The following PREPL variants were observed in gnomAD, a reference collection of about 807,000 sequenced individuals.
The protein encoded by PREPL is prolyl endopeptidase-like.
Under a neutral mutation model 70.6 loss-of-function variants are expected in PREPL, and 77 were observed. The observed-to-expected ratio is 1.09, with a 90% CI of 0.91 to 1.32. The LOEUF (loss-of-function observed/expected upper bound fraction) is 1.32. Among genes scored for constraint, PREPL ranks in the 40% most tolerant of loss-of-function variants. The pLI is 0.00. For synonymous variants in PREPL, 315 were observed against 264.8 expected, an observed-to-expected ratio of 1.19 and a Z score of -1.84; for missense variants, 1,002 against 778.2, an observed-to-expected ratio of 1.29 and a Z score of -3.42.
chr2:44,331,681 T>C (rs1674108173), intron 8 of PREPL, among the ~76,000 whole-genome samples: 1 of 152,210 alleles, frequency 6.6e-6, no homozygotes. Context: ...ATCCCTTTGC[T>C]CTATGCTCCC....
At chr2:44,359,840 C>T (rs1677481654) in intron 1 of PREPL, 3 of 650,430 alleles carry the variant, frequency 4.6e-6, no homozygotes, top group Admixed American at 2.8e-5. Context: ...CCCTCCTTTT[C>T]AGGGCCATGC....
intron 1 of PREPL, among the ~76,000 whole-genome samples, chr2:44,352,111 A>G (rs886768392): frequency 1.3e-5 from 2 of 152,136 alleles, no homozygotes; most frequent in African/African-American, 2.4e-5. Context: ...CTCAAATGTC[A>G]TCTTCTAAGT....
chr2:44,349,928 C>T (rs1301538903), intron 1 of PREPL, among the ~76,000 whole-genome samples: 5 of 152,150 alleles, frequency 3.3e-5, no homozygotes, highest in Non-Finnish European at 5.9e-5. Context: ...AAGTCACTAA[C>T]TCTTAAAGAA....
At position 44,328,643 on chromosome 2, in the gene PREPL, A is replaced by G. The variant is rs79147132; in HGVS notation, c.1262+294T>C. On this transcript the variant is annotated intron_variant, in intron 9 of 13. Transcript: ENST00000409411. ...ATGGAAGTTAAATGGAAAACAGTTC[A>G]GATTCAGAGGCTACTTAAACCTGAA... 3.6e-3 allele frequency among the ~76,000 whole-genome samples: 541 copies of G among 152,264 alleles called. 1 individual carries two copies. Among genetic ancestry groups the G allele is most frequent in the African/African-American group, 0.013 (524 of 41,556 alleles).
intron 8 of PREPL, among the ~76,000 whole-genome samples, chr2:44,329,534 T>C (rs940331015): frequency 6.6e-6 from 1 of 152,198 alleles, no homozygotes; most frequent in Non-Finnish European, 1.5e-5. Context: ...TATCTACAAA[T>C]ATGCTGACTA....
chr2:44,321,225 T>C lies in PREPL; in HGVS notation c.*131A>G, dbSNP rs1401526090. The C allele has an allele frequency of 2.5e-6, 2 of 802,128 alleles. No homozygotes were observed. Among genetic ancestry groups the C allele is most frequent in the African/African-American group, 3.5e-5 (2 of 57,136 alleles). 49.7% of individuals were successfully genotyped at this position (802,128 alleles called of 1,614,324 possible). A position where few individuals can be genotyped will look rare whatever the true frequency, so the allele number is the denominator to read the frequency against. ...AGATGTAGACTAAGCAAAATTTAGA[T>C]GGAGAAGCACATTTTAAAAAATTAA... is the stretch of plus-strand genomic sequence containing the variant. On this transcript the variant is annotated 3_prime_UTR_variant, in exon 14 of 14. Coordinates refer to ENST00000409411, the MANE Select transcript of PREPL (RefSeq NM_001171613.2).
In PREPL at chr2:44,332,441, G is replaced by T. The variant is rs376627733; in HGVS notation, c.1086+18C>A. ...CTTTCAGTAAATGGGAGCTGAAAGTGAAGATTATAAGACCTACCTTGCTTT... is the reference window on the plus strand; with the variant it reads ...CTTTCAGTAAATGGGAGCTGAAAGTTAAGATTATAAGACCTACCTTGCTTT... On this transcript the variant is annotated intron_variant, in intron 8 of 13. Transcript: ENST00000409411. 4.4e-6 allele frequency: 7 copies of T among 1,593,672 alleles called. No individual in the cohort carries two copies. The African/African-American group carries it at 8.1e-5, about 18-fold the overall frequency.
At chr2:44,352,628 G>A (rs1291053095) in intron 1 of PREPL, among the ~76,000 whole-genome samples, 3 of 152,084 alleles carry the variant, frequency 2.0e-5, no homozygotes, top group Non-Finnish European at 2.9e-5. Flanking sequence ...CAAAGGCAGG[G>A]ATTTTTGTTT....
At chr2:44,331,435 C>T (rs1210796704) in intron 8 of PREPL, among the ~76,000 whole-genome samples, 6 of 151,962 alleles carry the variant, frequency 3.9e-5, no homozygotes, top group African/African-American at 4.8e-5. Context: ...AGGCTGGTCT[C>T]GACCTCGTGA....
chr2:44,327,511 G>A (rs1673631887), intron 9 of PREPL, among the ~76,000 whole-genome samples: 1 of 152,166 alleles, frequency 6.6e-6, no homozygotes, highest in Admixed American at 6.5e-5. Context: ...TTAAGACACA[G>A]ATACGACACA....
intron 10 of PREPL, among the ~76,000 whole-genome samples, chr2:44,324,019 C>T (rs1381414965): frequency 6.6e-6 from 1 of 152,196 alleles, no homozygotes; most frequent in African/African-American, 2.4e-5. Context: ...GTGGAAGCAA[C>T]TCAAGTGTCC....
In PREPL at chr2:44,324,842, G is replaced by A. The variant is rs573911206; in HGVS notation, c.1480-1431C>T. ...GTCGAGGCTGTAGTGAGCTGTGTTC[G>A]TGTGCCATTGCATTCCAGCCTGGGT... On this transcript the variant is annotated intron_variant, in intron 10 of 13. Transcript: ENST00000409411. Among the ~76,000 whole-genome samples, 8 of 152,198 alleles carry A rather than the reference G, an allele frequency of 5.3e-5. No homozygotes were observed. The East Asian group carries it at 1.4e-3, about 26-fold the overall frequency.
intron 11 of PREPL, 137 bp from the exon 12 acceptor site, chr2:44,322,991 C>CAA: frequency 8.2e-7 from 1 of 1,218,162 alleles, no homozygotes. Flanking sequence ...ATCTTGAGAG[C>CAA]GCCTCAGTAT....
rs1269131658 is a variant in PREPL at position 44,319,600 on chromosome 2, T to C, written c.*1756A>G. The C allele has an allele frequency of 6.6e-6, 1 of 152,614 alleles. No individual in the cohort carries two copies. The highest frequency in any genetic ancestry group is 2.1e-4 in the South Asian group (1 of 4,836). 9.5% of individuals were successfully genotyped at this position (152,614 alleles called of 1,614,324 possible). ...AGCTGTAAAATAAACCCAAATCATC[T>C]TTAATGAACACATACTATTATGGTA... On this transcript the variant is annotated 3_prime_UTR_variant, in exon 14 of 14. Transcript: ENST00000409411.
chr2:44,340,310 T>A (rs1675074285), intron 5 of PREPL, among the ~76,000 whole-genome samples: 1 of 152,134 alleles, frequency 6.6e-6, no homozygotes, highest in East Asian at 1.9e-4. Context: ...GAAATGGAAA[T>A]ACTAATTTAA....
rs1558483259 is a variant in PREPL at position 44,322,742 on chromosome 2, T to C, written c.1742A>G (p.Asp581Gly). The change falls in exon 12 of 14, where the codon GAC becomes GGC. Residue 581 changes from aspartate to glycine, a missense_variant. Asp to Gly is a moderately conservative substitution (Grantham distance 94). Coordinates refer to ENST00000409411, the MANE Select transcript of PREPL (RefSeq NM_001171613.2). ...AGGGGGTCTCCTACCTTCACCTGTGTCCTTAGCATGCTCCGCGATGGCTTC... is the reference window on the plus strand; with the variant it reads ...AGGGGGTCTCCTACCTTCACCTGTGCCCTTAGCATGCTCCGCGATGGCTTC... ...LKEAIAEHAK[D>G]TGEGYQTPNI... The C allele has an allele frequency of 6.2e-7, 1 of 1,613,672 alleles. No individual in the cohort carries two copies. The highest frequency in any genetic ancestry group is 8.5e-7 in the Non-Finnish European group (1 of 1,179,702).
chr2:44,361,798 G>C (rs778473561), upstream of PREPL: 5 of 932,868 alleles, frequency 5.4e-6, no homozygotes, highest in Non-Finnish European at 7.2e-6. Context: ...ATGGCTACCA[G>C]CAAGAATGGT....
chr2:44,320,826 T>A lies in PREPL; in HGVS notation c.*530A>T. 1 of 622,890 alleles carries A rather than the reference T, an allele frequency of 1.6e-6. No individual in the cohort carries two copies. Among genetic ancestry groups the A allele is most frequent in the Non-Finnish European group, 2.8e-6 (1 of 353,104 alleles). 38.6% of individuals were successfully genotyped at this position (622,890 alleles called of 1,614,324 possible). ...AAAAATAAAATGTTTAAAAGTAAAT[T>A]ATGGCTTATAGGAGCTTATAACTTT... On this transcript the variant is annotated 3_prime_UTR_variant, in exon 14 of 14. Coordinates refer to ENST00000409411, the MANE Select transcript of PREPL (RefSeq NM_001171613.2).
At chr2:44,331,373 C>T (rs1407723587) in intron 8 of PREPL, among the ~76,000 whole-genome samples, 1 of 152,074 alleles carries the variant, frequency 6.6e-6, no homozygotes, top group Non-Finnish European at 1.5e-5. Context: ...TGCCACCACA[C>T]CCGGCTAATT....
Sources: gnomAD v4.1 joint callset for allele counts (sites outside exome capture counted in the v4.1 genomes callset) on GRCh38, gnomAD v4.1.1 for gene constraint, MANE v1.5 for transcripts, NCBI Gene and HGNC (gene_info 2026-07-23, HGNC 2026-07-21) for gene names.